SHISA6: variants seen among roughly 807,000 people sequenced by gnomAD.
The protein encoded by SHISA6 is shisa family member 6.
A neutral mutation model predicts 47.9 loss-of-function variants in SHISA6; 22 were observed. The observed-to-expected ratio is 0.46, with a 90% CI of 0.33 to 0.66. The LOEUF (loss-of-function observed/expected upper bound fraction) is 0.66, where lower values mean the gene tolerates loss of function less well. SHISA6 is among the 30% of genes least tolerant of loss of function. The probability of loss-of-function intolerance (pLI) is 0.02; values close to 1 mark genes in which losing one functional copy is unlikely to be tolerated. For missense variants in SHISA6, 680 were observed against 764.6 expected (o/e 0.89, Z 1.30); for synonymous variants, 388 against 337.8 (o/e 1.15, Z -1.63).
At chr17:11,535,859 AAAC>A (rs2071781926) in intron 3 of SHISA6, among the ~76,000 whole-genome samples, 1 of 152,116 alleles carries the variant, frequency 6.6e-6, no homozygotes, top group Admixed American at 6.5e-5. Context: ...ATGTCCAACA[AAAC>A]AACAGTAGCT....
At chr17:11,341,330 T>C (rs889314595) in intron 2 of SHISA6, among the ~76,000 whole-genome samples, 21 of 111,214 alleles carry the variant, frequency 1.9e-4, no homozygotes, top group East Asian at 1.3e-3. Context: ...CTCTCTCTCT[T>C]TTTTTTTTTT....
chr17:11,420,204 A>AAAAC (rs1189291216), intron 3 of SHISA6, among the ~76,000 whole-genome samples: 4 of 152,184 alleles, frequency 2.6e-5, no homozygotes, highest in African/African-American at 7.2e-5. Flanking sequence ...ACACCATCTC[A>AAAAC]AAACAAACAA....
chr17:11,245,355 A>G (rs2142132110), intron 1 of SHISA6, among the ~76,000 whole-genome samples: 1 of 152,302 alleles, frequency 6.6e-6, no homozygotes, highest in East Asian at 1.9e-4. Context: ...GCCCGGGCTA[A>G]GGCTCAAGCT....
intron 3 of SHISA6, among the ~76,000 whole-genome samples, chr17:11,394,446 T>C (rs1355516103): frequency 3.9e-5 from 6 of 152,224 alleles, no homozygotes; most frequent in Non-Finnish European, 8.8e-5. Context: ...TTGGTGCCCC[T>C]TTAATTGAGT....
chr17:11,293,259 T>C (rs1413403698), intron 2 of SHISA6, among the ~76,000 whole-genome samples: 1 of 152,164 alleles, frequency 6.6e-6, no homozygotes, highest in East Asian at 1.9e-4. Context: ...TTGAAAGTGA[T>C]AGTGGCTTAG....
At chr17:11,543,226 T>A (rs1567634704) in intron 3 of SHISA6, among the ~76,000 whole-genome samples, 1 of 152,224 alleles carries the variant, frequency 6.6e-6, no homozygotes, top group Non-Finnish European at 1.5e-5. Flanking sequence ...ATAATTTTTA[T>A]ACTGCATTGT....
At chr17:11,269,027 GT>G (rs1384184348) in intron 2 of SHISA6, among the ~76,000 whole-genome samples, 1 of 149,908 alleles carries the variant, frequency 6.7e-6, no homozygotes. Flanking sequence ...CCGGTGCCCA[GT>G]TTTTTTTGTT....
chr17:11,293,955 G>A (rs577008126), intron 2 of SHISA6, among the ~76,000 whole-genome samples: 39 of 152,112 alleles, frequency 2.6e-4, no homozygotes, highest in Admixed American at 6.6e-4. Context: ...GCACAATCTC[G>A]GCTCACTGCA....
At chr17:11,266,581 T>G (rs575818176) in intron 2 of SHISA6, among the ~76,000 whole-genome samples, 1 of 152,356 alleles carries the variant, frequency 6.6e-6, no homozygotes, top group African/African-American at 2.4e-5. Flanking sequence ...AAGCCAATCA[T>G]ACCTGTAGGT....
chr17:11,397,572 G>A (rs1161345083), intron 3 of SHISA6, among the ~76,000 whole-genome samples: 8 of 152,020 alleles, frequency 5.3e-5, no homozygotes, highest in Admixed American at 4.6e-4. Flanking sequence ...GTTGTTTTAC[G>A]TACTTGACAC....
At chr17:11,449,811 G>T (rs530127371) in intron 3 of SHISA6, among the ~76,000 whole-genome samples, 1 of 151,820 alleles carries the variant, frequency 6.6e-6, no homozygotes. Flanking sequence ...GGCAACCCTC[G>T]TTCTTCCTTG....
At chr17:11,362,553 G>A (rs1044712648) in intron 2 of SHISA6, among the ~76,000 whole-genome samples, 5 of 152,164 alleles carry the variant, frequency 3.3e-5, no homozygotes, top group African/African-American at 9.7e-5. Flanking sequence ...CGATGCTCCC[G>A]AAAGACCACA....
At chr17:11,460,004 T>C (rs992536909) in intron 3 of SHISA6, among the ~76,000 whole-genome samples, 13 of 152,150 alleles carry the variant, frequency 8.5e-5, no homozygotes, top group Admixed American at 7.2e-4. Context: ...GACAAATGGT[T>C]GCAGAGTGGA....
At chr17:11,288,132 A>G (rs1909385835) in intron 2 of SHISA6, 1 of 152,240 alleles carries the variant, frequency 6.6e-6, no homozygotes, top group Admixed American at 6.5e-5. Flanking sequence ...AAAGAAAAGG[A>G]TGCTTTAAAA....
chr17:11,388,593 G>C (rs1376604392), intron 3 of SHISA6, among the ~76,000 whole-genome samples: 1 of 151,464 alleles, frequency 6.6e-6, no homozygotes, highest in African/African-American at 2.4e-5. Context: ...CCATGACCCT[G>C]GTTAGCACAC....
At chr17:11,319,055 G>T (rs1302657865) in intron 2 of SHISA6, among the ~76,000 whole-genome samples, 1 of 146,968 alleles carries the variant, frequency 6.8e-6, no homozygotes, top group African/African-American at 2.5e-5. Context: ...TATTTTCTAA[G>T]ACCTGTATTT....
intron 3 of SHISA6, among the ~76,000 whole-genome samples, chr17:11,535,873 G>C (rs557254755): frequency 2.5e-4 from 36 of 144,926 alleles, no homozygotes; most frequent in Admixed American, 2.3e-3. Context: ...AACAGTAGCT[G>C]ATGGGAAAAC....
At chr17:11,513,086 C>CT (rs2071554767) in intron 3 of SHISA6, among the ~76,000 whole-genome samples, 1 of 151,804 alleles carries the variant, frequency 6.6e-6, no homozygotes, top group Admixed American at 6.6e-5. Flanking sequence ...GTATGAGTAC[C>CT]TATTTTTCTT....
intron 3 of SHISA6, among the ~76,000 whole-genome samples, chr17:11,395,539 C>T (rs1201128830): frequency 1.0e-4 from 11 of 108,352 alleles, no homozygotes; most frequent in Admixed American, 6.9e-4. Context: ...TTTTTTGAGA[C>T]GGAGTTTTGC....
Sources: gnomAD v4.1 joint callset for allele counts (sites outside exome capture counted in the v4.1 genomes callset) on GRCh38, gnomAD v4.1.1 for gene constraint, MANE v1.5 for transcripts, NCBI Gene and HGNC (gene_info 2026-07-23, HGNC 2026-07-21) for gene names.